The following CNOT4 variants were observed in gnomAD, a reference collection of about 807,000 sequenced individuals.
CNOT4 encodes CCR4-NOT transcription complex subunit 4.
CNOT4 carries 8 observed loss-of-function variants against 73.8 expected under a neutral mutation model. The ratio of observed to expected loss-of-function variants is 0.11; its 90% CI spans 0.06 to 0.20. The LOEUF (loss-of-function observed/expected upper bound fraction) is 0.20. Among genes scored for constraint, CNOT4 ranks in the 10% least tolerant of loss-of-function variants. CNOT4 has a pLI of 1.00. For missense variants in CNOT4, 564 were observed against 883.4 expected, an observed-to-expected ratio of 0.64 and a Z score of 4.58; for synonymous variants, 293 against 321.1, an observed-to-expected ratio of 0.91 and a Z score of 0.94.
intron 1 of CNOT4, among the ~76,000 whole-genome samples, chr7:135,487,266 G>A (rs1017270259): frequency 6.6e-6 from 1 of 151,256 alleles, no homozygotes; most frequent in Non-Finnish European, 1.5e-5. Context: ...TGGAGACAGG[G>A]TCTCCCTCTC....
chr7:135,428,345 A>G (rs73158936), intron 2 of CNOT4, among the ~76,000 whole-genome samples: 2,353 of 152,322 alleles, frequency 0.015, 54 homozygotes, highest in Middle Eastern at 0.024. Context: ...AACCAAACAC[A>G]AAGAAATACA....
At chr7:135,492,712 A>C (rs1235557078) in intron 1 of CNOT4, among the ~76,000 whole-genome samples, 2 of 152,330 alleles carry the variant, frequency 1.3e-5, no homozygotes, top group East Asian at 1.9e-4. Context: ...AAGGAGGACT[A>C]CTTGGGGCCA....
At position 135,381,660 on chromosome 7, in the gene CNOT4, G is replaced by C. The variant is rs573330855; in HGVS notation, c.1627+12258C>G. 4.6e-5 allele frequency among the ~76,000 whole-genome samples: 7 copies of C among 152,232 alleles called. No homozygotes were observed. The South Asian group carries it at 1.5e-3, about 32-fold the overall frequency. ...TACCACACAGCCCCAACAAGAAACA[G>C]ACTAAAATTCTTACAGCAGAGTAGG... On this transcript the variant is annotated intron_variant, in intron 10 of 11. Transcript: ENST00000541284.
At chr7:135,455,041 C>T (rs1234023341) in intron 1 of CNOT4, among the ~76,000 whole-genome samples, 2 of 152,038 alleles carry the variant, frequency 1.3e-5, no homozygotes, top group Non-Finnish European at 2.9e-5. Flanking sequence ...AAGAGGATCA[C>T]TTGAAGCTAG....
intron 1 of CNOT4, among the ~76,000 whole-genome samples, chr7:135,474,346 G>A (rs190421160): frequency 2.7e-4 from 40 of 146,050 alleles, no homozygotes; most frequent in African/African-American, 5.6e-4. Flanking sequence ...GTGCAGAGGC[G>A]TGATCTCAGC....
intron 1 of CNOT4, among the ~76,000 whole-genome samples, chr7:135,461,125 T>C (rs1800847300): frequency 6.6e-6 from 1 of 152,114 alleles, no homozygotes; most frequent in African/African-American, 2.4e-5. Flanking sequence ...AAGCAGAAAA[T>C]TACCCCACAA....
At chr7:135,494,856 C>T (rs958721600) in intron 1 of CNOT4, among the ~76,000 whole-genome samples, 3 of 152,126 alleles carry the variant, frequency 2.0e-5, no homozygotes, top group Non-Finnish European at 4.4e-5. Flanking sequence ...TAGTTTTTGC[C>T]ACTAGTTTGC....
intron 1 of CNOT4, among the ~76,000 whole-genome samples, chr7:135,477,497 T>C (rs751058003): frequency 6.6e-6 from 1 of 152,212 alleles, no homozygotes; most frequent in Non-Finnish European, 1.5e-5. Context: ...ACACCCAATA[T>C]ATACATAAAC....
chr7:135,366,501 C>A (rs1017874857), intron 10 of CNOT4, among the ~76,000 whole-genome samples: 1 of 152,134 alleles, frequency 6.6e-6, no homozygotes, highest in East Asian at 1.9e-4. Context: ...TCACATATGG[C>A]GCATGATGCA....
intron 1 of CNOT4, among the ~76,000 whole-genome samples, chr7:135,505,326 G>A (rs1343570714): frequency 2.0e-5 from 3 of 152,094 alleles, no homozygotes; most frequent in South Asian, 2.1e-4. Context: ...AGGCTAAGGC[G>A]GGCAGATCAC....
chr7:135,410,416 C>A lies in CNOT4; in HGVS notation c.821+99G>T, dbSNP rs1165091449. 5.1e-6 allele frequency: 4 copies of A among 783,372 alleles called. No homozygotes were observed. The East Asian group carries it at 9.2e-5, about 18-fold the overall frequency. The allele number at this position is 783,372 out of a possible 1,614,324, so 48.5% of individuals were successfully genotyped here. A position where few individuals can be genotyped will look rare whatever the true frequency, so the allele number is the denominator to read the frequency against. On this transcript the variant is annotated intron_variant, in intron 7 of 11. Coordinates refer to ENST00000541284, the MANE Select transcript of CNOT4 (RefSeq NM_001190850.2). Reference sequence around the variant, plus strand: ...TAAACAATTCTGCATAAATGACAGACCTTGTCAACAAGGATTTTGCCTGAA... The same window carrying A: ...TAAACAATTCTGCATAAATGACAGAACTTGTCAACAAGGATTTTGCCTGAA...
At chr7:135,491,269 A>T (rs986283971) in intron 1 of CNOT4, among the ~76,000 whole-genome samples, 4 of 152,224 alleles carry the variant, frequency 2.6e-5, no homozygotes, top group African/African-American at 9.7e-5. Context: ...CAAAGCCACC[A>T]AACTAACAGA....
At chr7:135,370,389 C>T (rs115246487) in intron 10 of CNOT4, among the ~76,000 whole-genome samples, 183 of 152,328 alleles carry the variant, frequency 1.2e-3, no homozygotes, top group African/African-American at 4.3e-3. Flanking sequence ...ACTCTATTCC[C>T]TCCATTCTCC....
chr7:135,394,903 T>G (rs2129483405), intron 9 of CNOT4, among the ~76,000 whole-genome samples: 1 of 152,266 alleles, frequency 6.6e-6, no homozygotes, highest in South Asian at 2.1e-4. Context: ...ACAGGTGCTG[T>G]TGTCAATGTT....
chr7:135,437,723 CTT>C (rs1225633347), intron 2 of CNOT4, among the ~76,000 whole-genome samples: 1 of 152,156 alleles, frequency 6.6e-6, no homozygotes, highest in Admixed American at 6.6e-5. Flanking sequence ...CATTTTAACT[CTT>C]TTTAGTAAAC....
Position 135,408,922 on chromosome 7 carries a change from T to A in CNOT4, c.821+1593A>T, listed in dbSNP as rs556223962. On this transcript the variant is annotated intron_variant, in intron 7 of 11. Coordinates refer to ENST00000541284, the MANE Select transcript of CNOT4 (RefSeq NM_001190850.2). The stretch of plus-strand genomic sequence containing the variant: ...CTCTGGGTATTAAGATCATATGCAA[T>A]GTTTATTTTATTCTGTATGCTTTCA... Among the ~76,000 whole-genome samples, 4 of 152,322 alleles carry A rather than the reference T, an allele frequency of 2.6e-5. No homozygotes were observed. In the South Asian group the frequency reaches 8.3e-4, roughly 32 times the overall value.
In CNOT4 at chr7:135,362,693, T is replaced by A. The variant is rs1174233767; in HGVS notation, c.*192A>T. 1.4e-6 allele frequency: 1 copy of A among 735,492 alleles called. No individual in the cohort carries two copies. Among genetic ancestry groups the A allele is most frequent in the East Asian group, 2.5e-5 (1 of 39,982 alleles). 45.6% of individuals were successfully genotyped at this position (735,492 alleles called of 1,614,324 possible). On this transcript the variant is annotated 3_prime_UTR_variant, in exon 12 of 12. Coordinates refer to ENST00000541284, the MANE Select transcript of CNOT4 (RefSeq NM_001190850.2). ...CACTCAAATGCTGGATCAACAAAAA[T>A]TTTTACAATTAATAAAGAGATGGTA...
rs535809276 is a variant in CNOT4 at position 135,395,322 on chromosome 7, T to C, written c.1129+312A>G. Among the ~76,000 whole-genome samples, 8 of 152,102 alleles carry C rather than the reference T, an allele frequency of 5.3e-5. No homozygotes were observed. In the South Asian group the frequency reaches 1.7e-3, roughly 32 times the overall value. Reference sequence around the variant, plus strand: ...AGATCACACTACTTGCACTCCAGCCTGGGCGAGAGACCAAGACCCCCACCT... The same window carrying C: ...AGATCACACTACTTGCACTCCAGCCCGGGCGAGAGACCAAGACCCCCACCT... On this transcript the variant is annotated intron_variant, in intron 9 of 11. Transcript: ENST00000541284.
intron 7 of CNOT4, among the ~76,000 whole-genome samples, chr7:135,399,356 T>C (rs1381641724): frequency 6.6e-6 from 1 of 152,128 alleles, no homozygotes; most frequent in Non-Finnish European, 1.5e-5. Context: ...TGTTACTGTT[T>C]TGAATACTGT....
Sources: gnomAD v4.1 joint callset for allele counts (sites outside exome capture counted in the v4.1 genomes callset) on GRCh38, gnomAD v4.1.1 for gene constraint, MANE v1.5 for transcripts, NCBI Gene and HGNC (gene_info 2026-07-23, HGNC 2026-07-21) for gene names.